The following TRMT2B variants were observed in gnomAD, a reference collection of about 807,000 sequenced individuals.
TRMT2B encodes tRNA methyltransferase 2B, also known as tRNA (uracil-5-)-methyltransferase homolog B.
A neutral mutation model predicts 39.7 loss-of-function variants in TRMT2B; 34 were observed. The ratio of observed to expected loss-of-function variants is 0.86; its 90% CI spans 0.65 to 1.14. The LOEUF is 1.14. TRMT2B is among the 50% of genes most tolerant of loss of function. The pLI, the probability that TRMT2B is intolerant of heterozygous loss-of-function variation, is 0.00. For missense variants in TRMT2B, 318 were observed against 377.2 expected (o/e 0.84, Z 1.30); for synonymous variants, 132 against 137.3 (o/e 0.96, Z 0.27).
chrX:101,006,039 G>A (rs1003352024), downstream of TRMT2B, among the ~76,000 whole-genome samples: 2 of 110,087 alleles, frequency 1.8e-5, no homozygotes. Context: ...TGGCCAACAT[G>A]GTGAAACCCC....
At chrX:100,989,592 G>C in the TRMT2B span, among the ~76,000 whole-genome samples, 1 of 104,549 alleles carries the variant, frequency 9.6e-6, no homozygotes, top group Non-Finnish European at 2.0e-5. Flanking sequence ...CCTGGCAACA[G>C]AGCGGGACTC....
intron 8 of TRMT2B, among the ~76,000 whole-genome samples, chrX:101,023,066 G>A (rs1225417263): frequency 3.6e-5 from 4 of 112,080 alleles, no homozygotes; most frequent in Middle Eastern, 4.2e-3. Context: ...ATAAGTATAC[G>A]AATGTTTTAA....
chrX:101,021,458 A>G (rs187576020), intron 9 of TRMT2B, 143 bp from the exon 10 acceptor site: 4 of 458,495 alleles, frequency 8.7e-6, no homozygotes, highest in Non-Finnish European at 1.5e-5. Flanking sequence ...GTGAAATCTC[A>G]TCTCTACTGA....
At chrX:101,040,581 T>C (rs1003007292) in intron 4 of TRMT2B, among the ~76,000 whole-genome samples, 1 of 111,881 alleles carries the variant, frequency 8.9e-6, no homozygotes, top group African/African-American at 3.2e-5. Flanking sequence ...GCTCAAATTT[T>C]CCCTAATATG....
chrX:101,013,425 A>G (rs1289945997), intron 13 of TRMT2B, among the ~76,000 whole-genome samples: 1 of 111,401 alleles, frequency 9.0e-6, no homozygotes, highest in Non-Finnish European at 1.9e-5. Context: ...AGAGTAAGGT[A>G]GCTGTATACC....
Position 101,037,921 on chromosome X carries a change from G to C in TRMT2B, c.434C>G (p.Pro145Arg). The part of the protein sequence containing the change: ...RLSCLLHPII[P>R]SPVINGYRNK... ...AATAGGGAGGTGGGGGCTTACAGAG[G>C]GTATAATAGGATGGAGAAGACAAGA... Residue 145 changes from proline to arginine, a missense_variant, in exon 5 of 14, where the codon CCC (proline) becomes CGC (arginine). Physicochemically the swap from Pro to Arg is moderately radical, Grantham distance 103 (BLOSUM62 -2). Transcript: ENST00000372936. The C allele has an allele frequency of 1.7e-6, 2 of 1,209,879 alleles. No homozygotes were observed. Among genetic ancestry groups the C allele is most frequent in the Non-Finnish European group, 1.1e-6 (1 of 894,575 alleles).
rs929526924 is a variant in TRMT2B, at chrX:101,014,642, C to T, written c.1389-3935G>A. On this transcript the variant is annotated intron_variant, in intron 13 of 13. Transcript: ENST00000372936. ...CAGCCTTGACCCCACCAGGCTCAAG[C>T]GATCCGCCTATCTCAGCCTCCCAAG... Among the ~76,000 whole-genome samples the T allele has an allele frequency of 4.5e-5, 5 of 110,482 alleles. No homozygotes were observed. In the East Asian group the frequency reaches 8.5e-4, roughly 19 times the overall value.
At chrX:100,982,470 AAAATAAATAAATAAATAAAT>A in the TRMT2B span, among the ~76,000 whole-genome samples, 5 of 91,277 alleles carry the variant, frequency 5.5e-5, no homozygotes, top group Non-Finnish European at 1.1e-4. Flanking sequence ...CCAGGCTTAA[AAAATAAATAAATAAATAAAT>A]AAATAAATAA....
intron 7 of TRMT2B, among the ~76,000 whole-genome samples, chrX:101,025,147 G>A (rs777666195): frequency 2.5e-4 from 28 of 111,877 alleles, no homozygotes; most frequent in African/African-American, 9.1e-4. Flanking sequence ...TGACTGAACA[G>A]GAAAGGTATT....
intron 4 of TRMT2B, 27 bp from the exon 5 acceptor site, chrX:101,038,078 G>T (rs779583995): frequency 1.7e-6 from 2 of 1,199,817 alleles, no homozygotes; most frequent in African/African-American, 3.5e-5. Flanking sequence ...GCTATGAAAC[G>T]AAATACTGGC....
intron 7 of TRMT2B, among the ~76,000 whole-genome samples, chrX:101,027,883 T>C (rs2087202771): frequency 9.0e-6 from 1 of 110,764 alleles, no homozygotes; most frequent in African/African-American, 3.3e-5. Context: ...CCAGTCTCAG[T>C]TGACAGTAAC....
the TRMT2B span, among the ~76,000 whole-genome samples, chrX:100,974,351 A>G: frequency 2.8e-5 from 3 of 105,949 alleles, no homozygotes; most frequent in Non-Finnish European, 3.9e-5. Flanking sequence ...ACACACACAT[A>G]CTCTATCTCT....
At position 101,041,340 on chromosome X, in the gene TRMT2B, A is replaced by C. The variant is rs1008504574; in HGVS notation, c.280T>G (p.Leu94Val). ...LADVVTPLWR[L>V]SYEEQLKVKF... ...ACCTTGAGCTGTTCTTCATAGCTCA[A>C]CCTCCAGAGTGGTGTCACAACATCA... Residue 94 changes from leucine to valine, a missense_variant, in exon 4 of 14, where the codon TTG (leucine) becomes GTG (valine). Physicochemically the swap from Leu to Val is conservative, Grantham distance 32 (BLOSUM62 1). Transcript: ENST00000372936. 1 of 1,207,895 alleles carries C rather than the reference A, an allele frequency of 8.3e-7. No homozygotes were observed. Among genetic ancestry groups the C allele is most frequent in the African/African-American group, 1.8e-5 (1 of 57,077 alleles).
At chrX:101,019,523 C>T in intron 11 of TRMT2B, 120 bp from the exon 12 acceptor site, 1 of 902,417 alleles carries the variant, frequency 1.1e-6, no homozygotes, top group Non-Finnish European at 1.5e-6. Flanking sequence ...TAGCATCACT[C>T]CAAGTAACAA....
intron 12 of TRMT2B, 45 bp downstream of exon 12, chrX:101,019,239 T>C: frequency 1.7e-6 from 2 of 1,207,915 alleles, no homozygotes; most frequent in Non-Finnish European, 2.2e-6. Context: ...AGAACCAAAG[T>C]TGATGGACAA....
intron 2 of TRMT2B, among the ~76,000 whole-genome samples, chrX:101,049,512 A>G (rs1437619569): frequency 1.9e-5 from 2 of 104,331 alleles, no homozygotes; most frequent in East Asian, 5.9e-4. Context: ...AAAAAAAAAA[A>G]GCCAGGCGGG....
At chrX:101,048,574 G>A (rs1475327572) in intron 2 of TRMT2B, among the ~76,000 whole-genome samples, 5 of 112,427 alleles carry the variant, frequency 4.4e-5, no homozygotes, top group Non-Finnish European at 9.4e-5. Flanking sequence ...GCGTAGCTGG[G>A]ATTACAGGCA....
chrX:101,044,430 A>C (rs1249320129), intron 2 of TRMT2B, among the ~76,000 whole-genome samples: 1 of 111,292 alleles, frequency 9.0e-6, no homozygotes, highest in East Asian at 2.9e-4. Flanking sequence ...TAAGATGAAA[A>C]AGGGCTTTGA....
chrX:101,024,934 C>A (rs1002835728), intron 7 of TRMT2B, among the ~76,000 whole-genome samples: 4 of 108,047 alleles, frequency 3.7e-5, no homozygotes, highest in Admixed American at 2.0e-4. Flanking sequence ...GTGGTCAAGG[C>A]TGCAGTGAGC....
Sources: allele counts gnomAD v4.1 joint callset (sites outside exome capture counted in the v4.1 genomes callset), GRCh38; gene constraint gnomAD v4.1.1; transcripts MANE v1.5; gene names NCBI Gene and HGNC (gene_info 2026-07-23, HGNC 2026-07-21).